NCOR1: variants seen among roughly 807,000 people sequenced by gnomAD.
NCOR1 encodes nuclear receptor corepressor 1, also known as protein phosphatase 1, regulatory subunit 109.
In NCOR1, 63 loss-of-function variants were observed where a neutral mutation model predicts 288.1. That is an observed-to-expected ratio of 0.22 (90% CI 0.18 to 0.27). The LOEUF is 0.27. Ranked by LOEUF, NCOR1 falls within the 10% of genes least tolerant of loss-of-function variation. NCOR1 has a pLI of 1.00. For missense variants in NCOR1, 2,397 were observed against 3,019.2 expected (o/e 0.79, Z 4.83); for synonymous variants, 1,007 against 1,065.9 (o/e 0.94, Z 1.08).
At chr17:16,176,317 A>G (rs1258502449) in intron 3 of NCOR1, among the ~76,000 whole-genome samples, 1 of 152,186 alleles carries the variant, frequency 6.6e-6, no homozygotes, top group Non-Finnish European at 1.5e-5. Flanking sequence ...CTCCCAGGCT[A>G]GAGTACAGTG....
intron 42 of NCOR1, among the ~76,000 whole-genome samples, chr17:16,042,012 G>C (rs936650071): frequency 6.6e-6 from 1 of 152,174 alleles, no homozygotes; most frequent in African/African-American, 2.4e-5. Context: ...GGGATTACAG[G>C]TGTGAGCCAC....
At chr17:16,183,374 ACT>A (rs1236658820) in intron 3 of NCOR1, among the ~76,000 whole-genome samples, 1 of 151,896 alleles carries the variant, frequency 6.6e-6, no homozygotes, top group African/African-American at 2.4e-5. Context: ...AAAAAAAAAA[ACT>A]GTTAGAATAA....
At position 16,127,262 on chromosome 17, in the gene NCOR1, T is replaced by C. The variant is rs186222522; in HGVS notation, c.1510-1056A>G. Among the ~76,000 whole-genome samples the C allele has an allele frequency of 1.1e-3, 124 of 109,580 alleles. 22 individuals are homozygous for C. Among genetic ancestry groups the C allele is most frequent in the Middle Eastern group, 6.8e-3 (1 of 148 alleles). The allele number at this position is 109,580 out of a possible 152,430, so 71.9% of individuals were successfully genotyped here. A position where few individuals can be genotyped will look rare whatever the true frequency, so the allele number is the denominator to read the frequency against. ...ATATATGTATGTATATATGTGTGTGTATATATGTATGTATATATACGTGTA... is the reference window on the plus strand; with the variant it reads ...ATATATGTATGTATATATGTGTGTGCATATATGTATGTATATATACGTGTA... On this transcript the variant is annotated intron_variant, in intron 14 of 45. Transcript: ENST00000268712.
chr17:16,126,918 TCA>T (rs200725455), intron 14 of NCOR1, among the ~76,000 whole-genome samples: 1,649 of 152,270 alleles, frequency 0.011, 35 homozygotes, highest in African/African-American at 0.037. Flanking sequence ...TTCTGTGGTT[TCA>T]GTTACCTGGA....
chr17:16,097,191 AG>A (rs2066790326), intron 21 of NCOR1, among the ~76,000 whole-genome samples: 3 of 152,338 alleles, frequency 2.0e-5, no homozygotes, highest in South Asian at 4.1e-4. Context: ...TGGGGCCTCT[AG>A]ATTGCCTCAG....
At chr17:16,087,478 T>G in intron 22 of NCOR1, 3 of 362,234 alleles carry the variant, frequency 8.3e-6, no homozygotes, top group Non-Finnish European at 1.5e-5. Flanking sequence ...GGGGGCAAAA[T>G]TCACCCACAG....
At chr17:16,213,245 C>A (rs1348462799) in intron 1 of NCOR1, among the ~76,000 whole-genome samples, 2 of 152,044 alleles carry the variant, frequency 1.3e-5, no homozygotes, top group Admixed American at 6.6e-5. Context: ...GTAATCCCAG[C>A]ACTTTGGGAG....
At chr17:16,059,049 CAAAAAAA>C (rs57820388) in intron 37 of NCOR1, among the ~76,000 whole-genome samples, 2 of 17,444 alleles carry the variant, frequency 1.1e-4, no homozygotes, top group Non-Finnish European at 1.4e-4. Context: ...AACTCCGTCT[CAAAAAAA>C]AAAAAAAAAA....
intron 14 of NCOR1, among the ~76,000 whole-genome samples, chr17:16,134,429 C>A (rs1442867337): frequency 6.6e-6 from 1 of 152,182 alleles, no homozygotes; most frequent in Admixed American, 6.5e-5. Flanking sequence ...ACTGAGCCTA[C>A]CTGGGGGTAA....
At chr17:16,177,834 A>G (rs1260064142) in intron 3 of NCOR1, among the ~76,000 whole-genome samples, 2 of 152,186 alleles carry the variant, frequency 1.3e-5, no homozygotes, top group African/African-American at 4.8e-5. Context: ...ATTTTCTCCA[A>G]TCAAAGAATA....
intron 7 of NCOR1, 40 bp downstream of exon 7, chr17:16,153,299 T>C (rs768891905): frequency 1.4e-6 from 2 of 1,450,434 alleles, no homozygotes; most frequent in Admixed American, 2.0e-5. Flanking sequence ...CCACCAAAAA[T>C]TAAAAAAAAA....
intron 3 of NCOR1, among the ~76,000 whole-genome samples, chr17:16,181,211 ATGTGTGTGTGTGTG>A (rs61215793): frequency 2.0e-4 from 28 of 139,580 alleles, no homozygotes; most frequent in South Asian, 1.7e-3. Context: ...ATATATATGT[ATGTGTGTGTGTGTG>A]TGTGTGTGTG....
At chr17:16,052,392 A>AT (rs2059426568) in intron 40 of NCOR1, among the ~76,000 whole-genome samples, 1 of 152,148 alleles carries the variant, frequency 6.6e-6, no homozygotes, top group Admixed American at 6.5e-5. Flanking sequence ...GAAGATTCAA[A>AT]TAAACACAAT....
Position 16,126,148 on chromosome 17 carries a change from T to C in NCOR1, c.1568A>G (p.Glu523Gly). The C allele has an allele frequency of 6.3e-7, 1 of 1,575,994 alleles. No homozygotes were observed. ...KVEEKEEDKAEKTEKKEEEKK... is the reference protein window; with the variant it reads ...KVEEKEEDKAGKTEKKEEEKK... ...TTCTTCTTCTTTTTTTTCTGTTTTTTCTGCTTTATCCTCTTCTTTTTCTTC... is the reference window on the plus strand; with the variant it reads ...TTCTTCTTCTTTTTTTTCTGTTTTTCCTGCTTTATCCTCTTCTTTTTCTTC... The change falls in exon 15 of 46, where the codon GAA becomes GGA. Residue 523 changes from glutamate (E) to glycine (G), a missense_variant. By Grantham distance (98) the Glu-to-Gly change is moderately conservative (BLOSUM62 -2). Transcript: ENST00000268712.
chr17:16,184,259 A>G (rs1191622554), intron 3 of NCOR1, among the ~76,000 whole-genome samples: 1 of 152,198 alleles, frequency 6.6e-6, no homozygotes, highest in Non-Finnish European at 1.5e-5. Flanking sequence ...TTCTGAAAAC[A>G]ACAAAATGAG....
chr17:16,123,574 G>A (rs1243356432), intron 15 of NCOR1, among the ~76,000 whole-genome samples: 1 of 152,002 alleles, frequency 6.6e-6, no homozygotes, highest in Non-Finnish European at 1.5e-5. Flanking sequence ...TACCATTTTT[G>A]GCTTTCATTA....
At chr17:16,207,167 A>T (rs2091610933) in intron 1 of NCOR1, among the ~76,000 whole-genome samples, 1 of 152,244 alleles carries the variant, frequency 6.6e-6, no homozygotes, top group African/African-American at 2.4e-5. Flanking sequence ...AAATGAATTT[A>T]AAAATCTTAA....
intron 1 of NCOR1, chr17:16,198,749 CACTAT>C (rs2090307898): frequency 6.6e-6 from 1 of 151,688 alleles, no homozygotes; most frequent in African/African-American, 2.4e-5. Flanking sequence ...AAGAGTATTT[CACTAT>C]ATGAACATTC....
chr17:16,186,654 G>C lies in NCOR1; in HGVS notation c.142C>G (p.Leu48Val), dbSNP rs758568154. Residue 48 changes from leucine (L) to valine (V), a missense_variant, in exon 3 of 46, where the codon CTT becomes GTT. By Grantham distance (32) the Leu-to-Val change is conservative. Transcript: ENST00000268712. ...AGCTGTGATGCCTGACTCACTTCAA[G>C]ATGAGAGGAACGATAATCAGGGACT... ...FAVPDYRSSH[L>V]EVSQASQLLQ... 1.9e-6 allele frequency: 3 copies of C among 1,613,762 alleles called. No individual in the cohort carries two copies. Among genetic ancestry groups the C allele is most frequent in the Non-Finnish European group, 2.5e-6 (3 of 1,179,880 alleles).
Sources: gnomAD v4.1 joint callset for allele counts (sites outside exome capture counted in the v4.1 genomes callset) on GRCh38, gnomAD v4.1.1 for gene constraint, MANE v1.5 for transcripts, NCBI Gene and HGNC (gene_info 2026-07-23, HGNC 2026-07-21) for gene names.